The following DTNBP1 variants were observed in gnomAD, a reference collection of about 807,000 sequenced individuals.
DTNBP1 encodes the protein dystrobrevin binding protein 1.
DTNBP1 carries 35 observed loss-of-function variants against 42.8 expected under a neutral mutation model. The ratio of observed to expected loss-of-function variants is 0.82; its 90% CI spans 0.63 to 1.09. The LOEUF (loss-of-function observed/expected upper bound fraction) is 1.09, where lower values mean the gene tolerates loss of function less well. Ranked by LOEUF, DTNBP1 falls within the 50% of genes least tolerant of loss-of-function variation. DTNBP1 has a pLI of 0.00. For missense variants in DTNBP1, 457 were observed against 424.2 expected (o/e 1.08, Z -0.68); for synonymous variants, 171 against 162.2 (o/e 1.05, Z -0.41).
intron 1 of DTNBP1, chr6:15,660,432 T>A (rs1394637401): frequency 4.5e-5 from 58 of 1,289,666 alleles, no homozygotes; most frequent in Non-Finnish European, 5.7e-5. Context: ...ACTGGGAGAC[T>A]GACATCACTT....
chr6:15,573,753 A>C (rs1775440017), intron 7 of DTNBP1, among the ~76,000 whole-genome samples: 1 of 152,142 alleles, frequency 6.6e-6, no homozygotes, highest in South Asian at 2.1e-4. Context: ...TGTCACCCAG[A>C]CTGGAGAGCA....
chr6:15,632,535 A>AC (rs1258625531), intron 4 of DTNBP1, among the ~76,000 whole-genome samples: 1 of 152,168 alleles, frequency 6.6e-6, no homozygotes, highest in Non-Finnish European at 1.5e-5. Flanking sequence ...AACAACTCGC[A>AC]CCCCCAAATA....
chr6:15,533,186 G>T, intron 8 of DTNBP1, 54 bp downstream of exon 8: 2 of 1,607,282 alleles, frequency 1.2e-6, no homozygotes, highest in South Asian at 1.1e-5. Flanking sequence ...GGGGTCCATC[G>T]CCACCCCGCA....
intron 6 of DTNBP1, among the ~76,000 whole-genome samples, chr6:15,613,467 T>C (rs1180050758): frequency 1.4e-5 from 2 of 145,420 alleles, no homozygotes; most frequent in Admixed American, 1.4e-4. Flanking sequence ...CCCGGGTTCA[T>C]GCCATTCTCC....
intron 7 of DTNBP1, among the ~76,000 whole-genome samples, chr6:15,550,549 G>C (rs1450512102): frequency 1.3e-5 from 2 of 152,170 alleles, no homozygotes; most frequent in African/African-American, 4.8e-5. Context: ...CCTCTAAAAG[G>C]TTCAGTGACA....
In DTNBP1 at chr6:15,537,445, C is replaced by T. The variant is rs566448172; in HGVS notation, c.512-4050G>A. ...CTGCATCTCAAAAAAAAAAAAAATA[C>T]GACTTTTGGGTTAATGCTGGAATGA... is the stretch of plus-strand genomic sequence containing the variant. On this transcript the variant is annotated intron_variant, in intron 7 of 9. Transcript: ENST00000344537. Among the ~76,000 whole-genome samples, 79 of 151,244 alleles carry T rather than the reference C, an allele frequency of 5.2e-4. 1 individual carries two copies. The highest frequency in any genetic ancestry group is 1.2e-3 in the Admixed American group (18 of 15,200).
intron 8 of DTNBP1, among the ~76,000 whole-genome samples, chr6:15,531,612 C>T (rs987012532): frequency 2.0e-5 from 3 of 152,138 alleles, no homozygotes; most frequent in African/African-American, 7.2e-5. Flanking sequence ...TATTTTCTTT[C>T]CTCATTCTTG....
chr6:15,615,688 C>T (rs766295852), intron 5 of DTNBP1, among the ~76,000 whole-genome samples: 2 of 152,152 alleles, frequency 1.3e-5, no homozygotes, highest in Non-Finnish European at 2.9e-5. Flanking sequence ...TAACGTAATG[C>T]TATATCCTAA....
chr6:15,576,334 G>A (rs1775565119), intron 7 of DTNBP1, among the ~76,000 whole-genome samples: 2 of 151,952 alleles, frequency 1.3e-5, no homozygotes, highest in South Asian at 4.1e-4. Context: ...TGTTGGCCAG[G>A]CTGGTCTCAA....
chr6:15,604,642 A>T (rs960751499), intron 6 of DTNBP1, among the ~76,000 whole-genome samples: 1 of 152,152 alleles, frequency 6.6e-6, no homozygotes, highest in Admixed American at 6.5e-5. Flanking sequence ...TCTAGAACAT[A>T]CACTGGTCAA....
At chr6:15,648,984 G>C (rs1760839300) in intron 3 of DTNBP1, among the ~76,000 whole-genome samples, 1 of 150,030 alleles carries the variant, frequency 6.7e-6, no homozygotes, top group Non-Finnish European at 1.5e-5. Flanking sequence ...ACTCATTAGA[G>C]TAGCTATAAT....
chr6:15,549,061 C>T (rs1001687945), intron 7 of DTNBP1, among the ~76,000 whole-genome samples: 3 of 152,226 alleles, frequency 2.0e-5, no homozygotes, highest in African/African-American at 7.2e-5. Context: ...CAGTTGTTTT[C>T]TCATGATCCA....
At chr6:15,596,208 C>T (rs181854537) in intron 6 of DTNBP1, among the ~76,000 whole-genome samples, 12 of 152,262 alleles carry the variant, frequency 7.9e-5, no homozygotes, top group East Asian at 1.9e-4. Flanking sequence ...GCATGCTAAC[C>T]GGGGCAGTTC....
chr6:15,579,165 A>C (rs1047146523), intron 7 of DTNBP1, among the ~76,000 whole-genome samples: 1 of 152,222 alleles, frequency 6.6e-6, no homozygotes, highest in African/African-American at 2.4e-5. Context: ...CGACAGATGA[A>C]TGGATAAAGA....
intron 7 of DTNBP1, among the ~76,000 whole-genome samples, chr6:15,553,209 C>T (rs1774311157): frequency 6.6e-6 from 1 of 152,050 alleles, no homozygotes; most frequent in Admixed American, 6.6e-5. Context: ...GGGTTGCAGC[C>T]TGTAGGGTGG....
intron 7 of DTNBP1, among the ~76,000 whole-genome samples, chr6:15,549,577 G>A (rs1279134361): frequency 4.0e-5 from 6 of 150,530 alleles, no homozygotes; most frequent in East Asian, 2.0e-4. Flanking sequence ...TGCAGTGGAC[G>A]TGGTGTCCTG....
intron 7 of DTNBP1, among the ~76,000 whole-genome samples, chr6:15,566,232 G>A (rs1487289766): frequency 2.0e-5 from 3 of 149,364 alleles, no homozygotes; most frequent in Admixed American, 1.3e-4. Context: ...GGAGAATGGC[G>A]TGAACCCGGG....
chr6:15,567,122 C>T (rs1334206880), intron 7 of DTNBP1, among the ~76,000 whole-genome samples: 2 of 152,080 alleles, frequency 1.3e-5, no homozygotes, highest in Non-Finnish European at 2.9e-5. Flanking sequence ...TCATCTTTAG[C>T]GTAGCCACCT....
At chr6:15,622,395 T>C (rs1375142913) in intron 5 of DTNBP1, among the ~76,000 whole-genome samples, 1 of 152,234 alleles carries the variant, frequency 6.6e-6, no homozygotes, top group African/African-American at 2.4e-5. Flanking sequence ...CATCCCCTTA[T>C]ATTAAACTTA....
Sources: gnomAD v4.1 joint callset for allele counts (sites outside exome capture counted in the v4.1 genomes callset) on GRCh38, gnomAD v4.1.1 for gene constraint, MANE v1.5 for transcripts, NCBI Gene and HGNC (gene_info 2026-07-23, HGNC 2026-07-21) for gene names.